SPMIP7: variants seen among roughly 807,000 people sequenced by gnomAD.
The protein encoded by SPMIP7 is sperm microtubule inner protein 7.
At chr7:50,154,210 C>T in the SPMIP7 span, among the ~76,000 whole-genome samples, 9 of 152,122 alleles carry the variant, frequency 5.9e-5, no homozygotes, top group Non-Finnish European at 7.4e-5. Context: ...TATCCGTCAT[C>T]GCCATAGTTA....
At chr7:50,096,681 G>A in the SPMIP7 span, 2 of 1,427,914 alleles carry the variant, frequency 1.4e-6, no homozygotes, top group Admixed American at 5.0e-5. Flanking sequence ...AAATGCTCAA[G>A]GGAAGAGAGT....
the SPMIP7 span, among the ~76,000 whole-genome samples, chr7:50,097,906 C>G: frequency 2.0e-5 from 3 of 152,134 alleles, no homozygotes; most frequent in East Asian, 5.8e-4. Context: ...TCCCTGAAAC[C>G]TGATAAAACA....
chr7:50,140,127 C>G, the SPMIP7 span: 1 of 1,486,348 alleles, frequency 6.7e-7, no homozygotes, highest in African/African-American at 1.4e-5. Context: ...TGCCTCTCTT[C>G]TCTTTTTTGA....
At chr7:50,115,632 T>G in the SPMIP7 span, among the ~76,000 whole-genome samples, 118,115 of 152,004 alleles carry the variant, frequency 0.78, 46,006 homozygotes, top group East Asian at 0.88. Flanking sequence ...TAAAAACATA[T>G]GTGCACATTT....
At chr7:50,142,917 A>T in the SPMIP7 span, 1 of 152,250 alleles carries the variant, frequency 6.6e-6, no homozygotes, top group Non-Finnish European at 1.5e-5. Context: ...AGCAAAGTAC[A>T]GGAGAATATA....
chr7:50,109,791 TA>T, the SPMIP7 span, among the ~76,000 whole-genome samples: 2 of 152,216 alleles, frequency 1.3e-5, no homozygotes, highest in South Asian at 4.1e-4. Context: ...ATATGTAGAA[TA>T]ACCCAAAATA....
At chr7:50,111,935 C>T in the SPMIP7 span, among the ~76,000 whole-genome samples, 276 of 152,258 alleles carry the variant, frequency 1.8e-3, 3 homozygotes, top group Middle Eastern at 0.01. Context: ...AAGACAATTA[C>T]TCCCACGTCA....
the SPMIP7 span, among the ~76,000 whole-genome samples, chr7:50,145,618 GTATATATATATATATATATA>G: frequency 1.4e-4 from 4 of 27,712 alleles, no homozygotes; most frequent in African/African-American, 3.0e-4. Flanking sequence ...ATATGTGTGT[GTATATATATATATATATATA>G]TATATATATA....
At chr7:50,130,776 T>C in the SPMIP7 span, among the ~76,000 whole-genome samples, 1 of 151,822 alleles carries the variant, frequency 6.6e-6, no homozygotes. Flanking sequence ...AGAGCAGCCA[T>C]GCAGAGATTT....
the SPMIP7 span, among the ~76,000 whole-genome samples, chr7:50,116,881 T>G: frequency 6.6e-6 from 1 of 152,308 alleles, no homozygotes; most frequent in Admixed American, 6.5e-5. Flanking sequence ...AAAACTTCTG[T>G]TTTCAAGAAA....
At chr7:50,154,059 T>C in the SPMIP7 span, among the ~76,000 whole-genome samples, 1 of 152,230 alleles carries the variant, frequency 6.6e-6, no homozygotes, top group South Asian at 2.1e-4. Flanking sequence ...TTTGTTTTTT[T>C]CTCAAGACAC....
At chr7:50,137,686 TA>T in the SPMIP7 span, among the ~76,000 whole-genome samples, 38 of 151,746 alleles carry the variant, frequency 2.5e-4, no homozygotes, top group African/African-American at 8.4e-4. Flanking sequence ...AATTTTCAGA[TA>T]AAAAAAAATC....
At chr7:50,156,299 AT>A in the SPMIP7 span, among the ~76,000 whole-genome samples, 4,577 of 152,098 alleles carry the variant, frequency 0.03, 224 homozygotes, top group African/African-American at 0.1. Context: ...TCTCTCTCTG[AT>A]GAGTGTCATG....
chr7:50,154,671 A>G, the SPMIP7 span, among the ~76,000 whole-genome samples: 2 of 152,238 alleles, frequency 1.3e-5, no homozygotes, highest in Non-Finnish European at 2.9e-5. Flanking sequence ...ATATGATGCA[A>G]TGAACACAGG....
chr7:50,142,465 A>G, the SPMIP7 span: 1 of 152,238 alleles, frequency 6.6e-6, no homozygotes, highest in East Asian at 1.9e-4. Flanking sequence ...TGAGCGAATC[A>G]TATAAAAGAA....
the SPMIP7 span, among the ~76,000 whole-genome samples, chr7:50,153,641 A>T: frequency 6.6e-6 from 1 of 152,180 alleles, no homozygotes; most frequent in African/African-American, 2.4e-5. Flanking sequence ...AGGGAATGTT[A>T]CTATCACCAT....
At chr7:50,119,590 C>A in the SPMIP7 span, among the ~76,000 whole-genome samples, 1 of 152,252 alleles carries the variant, frequency 6.6e-6, no homozygotes, top group South Asian at 2.1e-4. Flanking sequence ...GTCTGTGTTA[C>A]CAGTGACAGT....
the SPMIP7 span, among the ~76,000 whole-genome samples, chr7:50,140,367 G>T: frequency 4.0e-5 from 6 of 151,546 alleles, no homozygotes; most frequent in East Asian, 9.7e-4. Context: ...TGATTTTGAT[G>T]AAAGAAAGAA....
the SPMIP7 span, among the ~76,000 whole-genome samples, chr7:50,122,202 G>T: frequency 6.6e-6 from 1 of 152,150 alleles, no homozygotes; most frequent in Non-Finnish European, 1.5e-5. Context: ...TATGACAACT[G>T]TAGAGTAAGA....
Sources: allele counts gnomAD v4.1 joint callset (sites outside exome capture counted in the v4.1 genomes callset), GRCh38; gene constraint gnomAD v4.1.1; transcripts MANE v1.5; gene names NCBI Gene and HGNC (gene_info 2026-07-23, HGNC 2026-07-21).